ZNF678: variants seen among roughly 807,000 people sequenced by gnomAD.
The protein encoded by ZNF678 is zinc finger protein 678, also known as hypothetical protein MGC42493.
In ZNF678, 5 loss-of-function variants were observed where a neutral mutation model predicts 3.0. The ratio of observed to expected loss-of-function variants is 1.69; its 90% CI spans 0.88 to 3.56. The LOEUF (loss-of-function observed/expected upper bound fraction) is 3.56, where lower values mean the gene tolerates loss of function less well. ZNF678 is among the 30% of genes most tolerant of loss of function. The pLI is 0.00. For synonymous variants in ZNF678, 218 were observed against 199.6 expected, an observed-to-expected ratio of 1.09 and a Z score of -0.78; for missense variants, 593 against 605.0, an observed-to-expected ratio of 0.98 and a Z score of 0.21.
rs772465593 is a variant in ZNF678, at chr1:227,636,735, G to A, written c.-163-9809G>A. ...TTTGGAGGAAGGAGTAGCCTTGGGG[G>A]TGAGCTTGACCCTGGTGCAGTAGAC... On this transcript the variant is annotated intron_variant, in intron 1 of 3. Transcript: ENST00000343776. 9.2e-5 allele frequency among the ~76,000 whole-genome samples: 14 copies of A among 152,276 alleles called. No homozygotes were observed. In the South Asian group the frequency reaches 1.0e-3, roughly 11 times the overall value.
chr1:227,636,376 T>C (rs1047520223), intron 1 of ZNF678, among the ~76,000 whole-genome samples: 2 of 152,254 alleles, frequency 1.3e-5, no homozygotes, highest in African/African-American at 4.8e-5. Flanking sequence ...CCTCTTCTTC[T>C]AATAAGTAGT....
At chr1:227,635,416 AT>A (rs1424414512) in intron 1 of ZNF678, among the ~76,000 whole-genome samples, 14 of 152,094 alleles carry the variant, frequency 9.2e-5, no homozygotes, top group African/African-American at 3.4e-4. Flanking sequence ...GAAATAGAAA[AT>A]TTGTATTTCT....
chr1:227,679,212 GA>G (rs1168971983), downstream of ZNF678, among the ~76,000 whole-genome samples: 1 of 152,038 alleles, frequency 6.6e-6, no homozygotes. Flanking sequence ...ATAGTAAATA[GA>G]AAAAATAGAA....
intron 1 of ZNF678, among the ~76,000 whole-genome samples, chr1:227,644,604 A>G (rs139268335): frequency 6.6e-6 from 1 of 152,206 alleles, no homozygotes; most frequent in Admixed American, 6.5e-5. Flanking sequence ...AGGAGGATCA[A>G]CATTAACACG....
chr1:227,620,755 T>C (rs1487909732), intron 1 of ZNF678, among the ~76,000 whole-genome samples: 1 of 152,212 alleles, frequency 6.6e-6, no homozygotes, highest in Non-Finnish European at 1.5e-5. Flanking sequence ...TGTTGGGCTG[T>C]AGGGTATGAG....
chr1:227,588,138 C>G (rs141244003), intron 1 of ZNF678, among the ~76,000 whole-genome samples: 1 of 152,112 alleles, frequency 6.6e-6, no homozygotes, highest in South Asian at 2.1e-4. Context: ...CAACTCCATC[C>G]GTGTCCCTGC....
intron 1 of ZNF678, among the ~76,000 whole-genome samples, chr1:227,565,021 CCA>C (rs1656634308): frequency 6.7e-6 from 1 of 149,852 alleles, no homozygotes; most frequent in South Asian, 2.1e-4. Context: ...GCGTGAGCCA[CCA>C]CGCCTGGCCT....
chr1:227,639,615 C>T (rs924575027), intron 1 of ZNF678, among the ~76,000 whole-genome samples: 9 of 149,944 alleles, frequency 6.0e-5, no homozygotes, highest in African/African-American at 2.2e-4. Flanking sequence ...AAAATGGGCA[C>T]TCTTTTTGAG....
chr1:227,670,405 A>G (rs1395706997), intron 5 of ZNF678, among the ~76,000 whole-genome samples: 1 of 152,222 alleles, frequency 6.6e-6, no homozygotes, highest in Non-Finnish European at 1.5e-5. Flanking sequence ...GAACCATTTA[A>G]ACGAGTAGTT....
intron 1 of ZNF678, among the ~76,000 whole-genome samples, chr1:227,596,226 A>G (rs1018772286): frequency 1.3e-5 from 2 of 152,202 alleles, no homozygotes; most frequent in African/African-American, 4.8e-5. Context: ...AGCTGCCGCA[A>G]CCATCCGCCA....
chr1:227,626,079 T>TATGGAGCTACTGGTAGTACAGCAGC (rs1658405416), intron 1 of ZNF678, among the ~76,000 whole-genome samples: 6 of 151,968 alleles, frequency 3.9e-5, no homozygotes, highest in African/African-American at 1.5e-4. Flanking sequence ...AGTACAGCAG[T>TATGGAGCTACTGGTAGTACAGCAGC]ATGGAGCTAC....
intron 1 of ZNF678, among the ~76,000 whole-genome samples, chr1:227,634,214 A>G (rs1658620411): frequency 6.6e-6 from 1 of 152,200 alleles, no homozygotes; most frequent in Non-Finnish European, 1.5e-5. Context: ...CTGAATAACT[A>G]GCAGTGATTC....
chr1:227,654,292 G>A (rs1277092017), intron 3 of ZNF678, 44 bp from the exon 4 acceptor site: 4 of 1,396,554 alleles, frequency 2.9e-6, no homozygotes, highest in Non-Finnish European at 3.8e-6. Context: ...TATATTTACT[G>A]GAGATTAGTA....
Position 227,658,561 on chromosome 1 carries a change from A to G in ZNF678, c.*2733A>G, listed in dbSNP as rs534483474. The G allele has an allele frequency of 6.6e-5, 10 of 152,186 alleles. No individual in the cohort carries two copies. Among genetic ancestry groups the G allele is most frequent in the East Asian group, 1.9e-4 (1 of 5,186 alleles). The allele number at this position is 152,186 out of a possible 1,614,324, so 9.4% of individuals were successfully genotyped here. A position where few individuals can be genotyped will look rare whatever the true frequency, so the allele number is the denominator to read the frequency against. ...TATTTTCACCCCCAACTATGCGTCAATCATAGCCCTTTCCCTTCTTTGCTT... is the reference window on the plus strand; with the variant it reads ...TATTTTCACCCCCAACTATGCGTCAGTCATAGCCCTTTCCCTTCTTTGCTT... On this transcript the variant is annotated 3_prime_UTR_variant, in exon 4 of 4. Transcript: ENST00000343776.
chr1:227,654,078 T>C (rs1263725280), intron 3 of ZNF678, among the ~76,000 whole-genome samples: 2 of 152,026 alleles, frequency 1.3e-5, no homozygotes, highest in African/African-American at 4.8e-5. Context: ...GTAACAAACT[T>C]TACTTTCTAT....
chr1:227,584,695 A>G (rs3942992), intron 1 of ZNF678, among the ~76,000 whole-genome samples: 116,463 of 152,190 alleles, frequency 0.77, 45,459 homozygotes, highest in East Asian at 0.91. Context: ...GACAGTATGG[A>G]TAAGTAAGAA....
At chr1:227,639,528 G>C (rs918465821) in intron 1 of ZNF678, among the ~76,000 whole-genome samples, 1 of 152,162 alleles carries the variant, frequency 6.6e-6, no homozygotes, top group African/African-American at 2.4e-5. Context: ...GGTCTAGGTT[G>C]GTATATTTTC....
At position 227,563,588 on chromosome 1, in the gene ZNF678, C is replaced by A; in HGVS notation, c.-300C>A. 5.4e-6 allele frequency: 5 copies of A among 932,548 alleles called. No homozygotes were observed. In the African/African-American group the frequency reaches 6.8e-5, roughly 13 times the overall value. 57.8% of individuals were successfully genotyped at this position (932,548 alleles called of 1,614,324 possible). ...TTGTGCTCCAGCTGGAGCTTTGGTC[C>A]CGTATTCTCGGCTATTTATCCCCAG... On this transcript the variant is annotated 5_prime_UTR_variant, in exon 1 of 4. Coordinates refer to ENST00000343776, the MANE Select transcript of ZNF678 (RefSeq NM_001367909.1).
rs923170803 is a variant in ZNF678 at position 227,605,399 on chromosome 1, T to C, written c.-163-41145T>C. Among the ~76,000 whole-genome samples the C allele has an allele frequency of 3.9e-5, 6 of 152,344 alleles. 1 individual carries two copies. Among genetic ancestry groups the C allele is most frequent in the Middle Eastern group, 3.4e-3 (1 of 294 alleles). On this transcript the variant is annotated intron_variant, in intron 1 of 3. Transcript: ENST00000343776. ...GTCTCAGAAATTAAAAGAATTTTACTCAGACAATGTAGAGTCACTTTCTTT... is the reference window on the plus strand; with the variant it reads ...GTCTCAGAAATTAAAAGAATTTTACCCAGACAATGTAGAGTCACTTTCTTT...
Sources: allele counts gnomAD v4.1 joint callset (sites outside exome capture counted in the v4.1 genomes callset), GRCh38; gene constraint gnomAD v4.1.1; transcripts MANE v1.5; gene names NCBI Gene and HGNC (gene_info 2026-07-23, HGNC 2026-07-21).